CELSR1: variants seen among roughly 807,000 people sequenced by gnomAD.
The protein encoded by CELSR1 is cadherin EGF LAG seven-pass G-type receptor 1.
Under a neutral mutation model 249.1 loss-of-function variants are expected in CELSR1, and 110 were observed. The ratio of observed to expected loss-of-function variants is 0.44; its 90% CI spans 0.38 to 0.52. CELSR1 has a LOEUF of 0.52. Among genes scored for constraint, CELSR1 ranks in the 20% least tolerant of loss-of-function variants. The pLI is 0.00. For synonymous variants in CELSR1, 2,113 were observed against 1,900.0 expected (o/e 1.11, Z -2.92); for missense variants, 4,109 against 4,296.4 (o/e 0.96, Z 1.22).
chr22:46,406,596 G>A lies in CELSR1; in HGVS notation c.5226+2400C>T, dbSNP rs193152759. On this transcript the variant is annotated intron_variant, in intron 9 of 34. Transcript: ENST00000674500. This position sits in a 1 kb window ranked among gnomAD's most constrained non-coding sequence, Gnocchi z 5.4. ...TGATGGGGAGGGCATGTGCTGGGCA[G>A]TCCCTCTGTCCACCCGCCAACCCTC... is the stretch of plus-strand genomic sequence containing the variant. 2.6e-4 allele frequency among the ~76,000 whole-genome samples: 40 copies of A among 152,368 alleles called. 1 individual carries two copies. The East Asian group carries it at 7.5e-3, about 29-fold the overall frequency.
chr22:46,535,092 C>T lies in CELSR1; in HGVS notation c.2079G>A (p.Glu693=). ...NDPVFTQPTY[E]LRLNEDAAVG... ...CGGCCGCATCCTCATTCAGACGAAG[C>T]TCGTAGGTGGGCTGCGTGAACACCG... Residue 693 remains glutamate (E), a synonymous_variant, in exon 1 of 35, where the codon GAG becomes GAA. Transcript: ENST00000674500. 1 of 1,612,272 alleles carries T rather than the reference C, an allele frequency of 6.2e-7. No homozygotes were observed. Among genetic ancestry groups the T allele is most frequent in the Non-Finnish European group, 8.5e-7 (1 of 1,179,960 alleles).
intron 2 of CELSR1, among the ~76,000 whole-genome samples, chr22:46,442,956 G>C (rs2079770002): frequency 6.6e-6 from 1 of 152,152 alleles, no homozygotes; most frequent in Non-Finnish European, 1.5e-5. Context: ...AAATTAACCG[G>C]GTGTGTTGGC....
chr22:46,507,242 A>G lies in CELSR1; in HGVS notation c.3544+26385T>C, dbSNP rs555140375. Among the ~76,000 whole-genome samples, 24 of 152,240 alleles carry G rather than the reference A, an allele frequency of 1.6e-4. 1 individual carries two copies. In the South Asian group the frequency reaches 4.6e-3, roughly 29 times the overall value. On this transcript the variant is annotated intron_variant, in intron 1 of 34. Transcript: ENST00000674500. ...TTCCAATGGAGCCACCGGGGCAGCAACCCCAAGCACCCCAGAGAGAGCACA... is the reference window on the plus strand; with the variant it reads ...TTCCAATGGAGCCACCGGGGCAGCAGCCCCAAGCACCCCAGAGAGAGCACA...
At position 46,378,653 on chromosome 22, in the gene CELSR1, C is replaced by T. The variant is rs757173799; in HGVS notation, c.7321G>A (p.Val2441Ile). 6 of 1,609,048 alleles carry T rather than the reference C, an allele frequency of 3.7e-6. No individual in the cohort carries two copies. In the Admixed American group the frequency reaches 1.0e-4, roughly 27 times the overall value. Residue 2441 changes from valine (V) to isoleucine (I), a missense_variant, in exon 23 of 35, where the codon GTC becomes ATC. Physicochemically the swap from Val to Ile is conservative, Grantham distance 29. Coordinates refer to ENST00000674500, the MANE Select transcript of CELSR1 (RefSeq NM_001378328.1). ...GCTGTGTGGCTGCACTGGCAGGCGA[C>T]ATGTGTCCGGTTCCTGGACAGGAGC... ...CELLSRNRTH[V>I]ACQCSHTASF...
rs1309664497 is a variant in CELSR1 at position 46,434,352 on chromosome 22, G to GCCC, written c.4523-872_4523-871insGGG. On this transcript the variant is annotated intron_variant, in intron 4 of 34. Coordinates refer to ENST00000674500, the MANE Select transcript of CELSR1 (RefSeq NM_001378328.1). This position sits in a 1 kb window ranked among gnomAD's most constrained non-coding sequence, Gnocchi z 4.9. ...CAGCAGCAGCAGCTGGGAGGAAGGA[G>GCCC]CTTCAGGGGCACCAAAGGACAGGTG... 2.0e-5 allele frequency among the ~76,000 whole-genome samples: 3 copies of GCCC among 152,214 alleles called. No homozygotes were observed. The highest frequency in any genetic ancestry group is 4.4e-5 in the Non-Finnish European group (3 of 68,040).
rs145774361 is a variant in CELSR1, at chr22:46,534,749, T to C, written c.2422A>G (p.Ile808Val). The C allele has an allele frequency of 1.2e-4, 200 of 1,613,008 alleles. No individual in the cohort carries two copies. The highest frequency in any genetic ancestry group is 1.6e-4 in the Non-Finnish European group (188 of 1,180,002). ...VSEDRPVGTS[I>V]ATLSANDEDT... is the part of the protein sequence containing the mutation. ...TCATCGTTGGCACTGAGGGTAGCAA[T>C]GGAGGTGCCCACAGGCCTGTCCTCA... is the stretch of plus-strand genomic sequence containing the variant. The change falls in exon 1 of 35, where the codon ATT (isoleucine) becomes GTT (valine). Residue 808 changes from isoleucine (I) to valine (V), a missense_variant. Ile to Val is a conservative substitution (Grantham distance 29). Transcript: ENST00000674500. This position sits in a 1 kb window ranked among gnomAD's most constrained non-coding sequence, Gnocchi z 9.7.
In CELSR1 at chr22:46,473,074, G is replaced by C. The variant is rs2080172000; in HGVS notation, c.3545-8729C>G. On this transcript the variant is annotated intron_variant, in intron 1 of 34. Transcript: ENST00000674500. The surrounding 1 kb of genome is among the most constrained non-coding windows in gnomAD (Gnocchi z 6.6). ...CGGAGAGACACGGGCACGGAGGCAG[G>C]GGGTGGGTGAACCTCCGACTGCTGC... Among the ~76,000 whole-genome samples the C allele has an allele frequency of 6.6e-6, 1 of 152,162 alleles. No homozygotes were observed. Among genetic ancestry groups the C allele is most frequent in the Admixed American group, 6.6e-5 (1 of 15,262 alleles).
Position 46,402,366 on chromosome 22 carries a change from C to CCA in CELSR1, c.5227-2466_5227-2465dup, listed in dbSNP as rs2079218697. Among the ~76,000 whole-genome samples the CCA allele has an allele frequency of 1.3e-5, 2 of 152,010 alleles. No individual in the cohort carries two copies. Among genetic ancestry groups the CCA allele is most frequent in the South Asian group, 4.2e-4 (2 of 4,816 alleles). On this transcript the variant is annotated intron_variant, in intron 9 of 34. Transcript: ENST00000674500. The surrounding 1 kb of genome is among the most constrained non-coding windows in gnomAD (Gnocchi z 5.0). ...CGAGTAGCTGAGATACAGGTACCCA[C>CCA]CACCACACCCAGCTAATTTTCTGTA... is the stretch of plus-strand genomic sequence containing the variant.
In CELSR1 at chr22:46,427,345, G is replaced by C. The variant is rs2079547978; in HGVS notation, c.4611+6048C>G. ...GAGGTCAGGAGTTTGAAAACAACCT[G>C]GCCAACATGGTGAAACTCCAATCTC... On this transcript the variant is annotated intron_variant, in intron 5 of 34. Coordinates refer to ENST00000674500, the MANE Select transcript of CELSR1 (RefSeq NM_001378328.1). This position sits in a 1 kb window ranked among gnomAD's most constrained non-coding sequence, Gnocchi z 4.2. 6.6e-6 allele frequency among the ~76,000 whole-genome samples: 1 copy of C among 152,122 alleles called. No homozygotes were observed. The highest frequency in any genetic ancestry group is 2.4e-5 in the African/African-American group (1 of 41,416).
rs1434430287 is a variant in CELSR1, at chr22:46,380,195, T to C, written c.7256+593A>G. On this transcript the variant is annotated intron_variant, in intron 22 of 34. Coordinates refer to ENST00000674500, the MANE Select transcript of CELSR1 (RefSeq NM_001378328.1). This position sits in a 1 kb window ranked among gnomAD's most constrained non-coding sequence, Gnocchi z 5.1. ...ACGAAACGCCTTTCCCTCGCTTGCA[T>C]GGATGCTAGAACACAGATTCTCGCG... Among the ~76,000 whole-genome samples the C allele has an allele frequency of 1.3e-5, 2 of 152,328 alleles. No homozygotes were observed. The highest frequency in any genetic ancestry group is 3.9e-4 in the East Asian group (2 of 5,186).
intron 25 of CELSR1, among the ~76,000 whole-genome samples, chr22:46,372,189 T>C (rs1185108575): frequency 1.6e-5 from 2 of 128,126 alleles, no homozygotes; most frequent in East Asian, 2.7e-4. Flanking sequence ...CCCATCCATC[T>C]ACTCACTCAC....
rs201585003 is a variant in CELSR1, at chr22:46,471,176, C to CA, written c.3545-6832dup. 4.8e-3 allele frequency among the ~76,000 whole-genome samples: 728 copies of CA among 152,040 alleles called. 3 individuals are homozygous for CA. The highest frequency in any genetic ancestry group is 0.027 in the Middle Eastern group (8 of 294). ...AGTTACTCTTTCACACAAAACAAAA[C>CA]AAAAAAAATGTTTCTACATGAGCCC... On this transcript the variant is annotated intron_variant, in intron 1 of 34. Coordinates refer to ENST00000674500, the MANE Select transcript of CELSR1 (RefSeq NM_001378328.1). The surrounding 1 kb of genome is among the most constrained non-coding windows in gnomAD (Gnocchi z 4.9).
intron 1 of CELSR1, among the ~76,000 whole-genome samples, chr22:46,516,699 G>A (rs1451816709): frequency 3.9e-5 from 6 of 151,918 alleles, no homozygotes; most frequent in Non-Finnish European, 8.8e-5. Flanking sequence ...TAATTTCCTC[G>A]ACCAGCTCAT....
At chr22:46,384,443 G>T in intron 20 of CELSR1, 100 bp downstream of exon 20, 1 of 1,372,456 alleles carries the variant, frequency 7.3e-7, no homozygotes, top group Non-Finnish European at 9.7e-7. Context: ...CTCTGGCCCA[G>T]ATCTTCAGTG....
Position 46,398,894 on chromosome 22 carries a change from G to A in CELSR1, c.5413-257C>T, listed in dbSNP as rs1362933842. On this transcript the variant is annotated intron_variant, in intron 10 of 34. Coordinates refer to ENST00000674500, the MANE Select transcript of CELSR1 (RefSeq NM_001378328.1). The surrounding 1 kb of genome is among the most constrained non-coding windows in gnomAD (Gnocchi z 7.2). ...AGCTGAGGCGGCCAGTGGGGTCAAC[G>A]TGGGCAACTGTCCCGCCTCCGTCAA... is the stretch of plus-strand genomic sequence containing the variant. Among the ~76,000 whole-genome samples, 2 of 152,348 alleles carry A rather than the reference G, an allele frequency of 1.3e-5. No homozygotes were observed. The highest frequency in any genetic ancestry group is 1.5e-5 in the Non-Finnish European group (1 of 68,032).
At chr22:46,372,834 T>C in intron 25 of CELSR1, 49 bp downstream of exon 25, 2 of 1,549,142 alleles carry the variant, frequency 1.3e-6, no homozygotes, top group Non-Finnish European at 1.7e-6. Flanking sequence ...ACAGCTGGGG[T>C]CTGTTGGAAA....
In CELSR1 at chr22:46,364,673, C is replaced by G. The variant is rs369796139; in HGVS notation, c.8618G>C (p.Ser2873Thr). 1 of 1,612,648 alleles carries G rather than the reference C, an allele frequency of 6.2e-7. No homozygotes were observed. Among genetic ancestry groups the G allele is most frequent in the East Asian group, 2.2e-5 (1 of 44,868 alleles). The change falls in exon 33 of 35, where the codon AGT becomes ACT. Residue 2873 changes from serine to threonine, a missense_variant. By Grantham distance (58) the Ser-to-Thr change is moderately conservative. Transcript: ENST00000674500. ...WPDQSLAESD[S>T]EDPSGKPRLK... ...GCGGGGCTTGCCGCTGGGGTCCTCA[C>G]TGTCACTCTCAGCCAGGCTCTGGTC...
At chr22:46,533,485 AC>A in intron 1 of CELSR1, 141 bp downstream of exon 1, 1 of 1,262,722 alleles carries the variant, frequency 7.9e-7, no homozygotes. Flanking sequence ...CCAGCATCCA[AC>A]CGGCGGCAAC....
At position 46,440,079 on chromosome 22, in the gene CELSR1, T is replaced by G. The variant is rs998957688; in HGVS notation, c.4184-668A>C. On this transcript the variant is annotated intron_variant, in intron 2 of 34. Transcript: ENST00000674500. The surrounding 1 kb of genome is among the most constrained non-coding windows in gnomAD (Gnocchi z 4.7). ...TGTCCTTCCTAGAGTTTAAACTCTT[T>G]TGTGACAGGAAGGTTCTGGAAGCTT... is the stretch of plus-strand genomic sequence containing the variant. Among the ~76,000 whole-genome samples the G allele has an allele frequency of 6.6e-6, 1 of 152,176 alleles. No homozygotes were observed. Among genetic ancestry groups the G allele is most frequent in the African/African-American group, 2.4e-5 (1 of 41,448 alleles).
Sources: allele counts gnomAD v4.1 joint callset (sites outside exome capture counted in the v4.1 genomes callset), GRCh38; gene constraint gnomAD v4.1.1; non-coding constraint Gnocchi (gnomAD v3.1); transcripts MANE v1.5; gene names NCBI Gene and HGNC (gene_info 2026-07-23, HGNC 2026-07-21).